OSBPL5: variants seen among roughly 807,000 people sequenced by gnomAD.
OSBPL5 encodes the protein oxysterol binding protein like 5, also known as oxysterol-binding protein-related protein 5.
Under a neutral mutation model 111.2 loss-of-function variants are expected in OSBPL5, and 71 were observed. That is an observed-to-expected ratio of 0.64 (90% CI 0.53 to 0.78). The LOEUF is 0.78. OSBPL5 is among the 30% of genes least tolerant of loss of function. The pLI is 0.00. For synonymous variants in OSBPL5, 549 were observed against 513.9 expected (o/e 1.07, Z -0.93); for missense variants, 1,210 against 1,189.3 (o/e 1.02, Z -0.26).
At position 3,107,990 on chromosome 11, in the gene OSBPL5, T is replaced by C; in HGVS notation, c.692-45A>G. ...AGCATGCCCCACCCCCACCTCTGTATATCCCGCATCCCCCAAGGGGCCACC... is the reference window on the plus strand; with the variant it reads ...AGCATGCCCCACCCCCACCTCTGTACATCCCGCATCCCCCAAGGGGCCACC... On this transcript the variant is annotated intron_variant, in intron 7 of 21. Coordinates refer to ENST00000263650, the MANE Select transcript of OSBPL5 (RefSeq NM_020896.4). This position sits in a 1 kb window ranked among gnomAD's most constrained non-coding sequence, Gnocchi z 6.1. The C allele has an allele frequency of 1.3e-6, 2 of 1,581,724 alleles. No individual in the cohort carries two copies. Among genetic ancestry groups the C allele is most frequent in the Non-Finnish European group, 1.7e-6 (2 of 1,171,452 alleles).
chr11:3,121,905 C>A lies in OSBPL5; in HGVS notation c.402+92G>T. On this transcript the variant is annotated intron_variant, in intron 5 of 21. Coordinates refer to ENST00000263650, the MANE Select transcript of OSBPL5 (RefSeq NM_020896.4). The surrounding 1 kb of genome is among the most constrained non-coding windows in gnomAD (Gnocchi z 4.3). ...GGCTAGATGCAGGGAAGTGAATTTC[C>A]ATCGTTTCAGGCCACCTGGTTTATG... is the stretch of plus-strand genomic sequence containing the variant. 2 of 1,171,952 alleles carry A rather than the reference C, an allele frequency of 1.7e-6. No homozygotes were observed. The highest frequency in any genetic ancestry group is 2.4e-6 in the Non-Finnish European group (2 of 822,186). 72.6% of individuals were successfully genotyped at this position (1,171,952 alleles called of 1,614,324 possible). A position where few individuals can be genotyped will look rare whatever the true frequency, so the allele number is the denominator to read the frequency against.
rs1212060541 is a variant in OSBPL5, at chr11:3,125,807, A to AAT, written c.219+665_219+666insAT. ...GTGACAGAGCGAGACTCCGTCTCAAAAAAAAAAAAAAAAAAATACAAAAAA... is the reference window on the plus strand; with the variant it reads ...GTGACAGAGCGAGACTCCGTCTCAAAATAAAAAAAAAAAAAAAATACAAAAAA... On this transcript the variant is annotated intron_variant, in intron 3 of 21. Transcript: ENST00000263650. Among the ~76,000 whole-genome samples the AAT allele has an allele frequency of 5.0e-3, 468 of 94,486 alleles. 2 individuals are homozygous for AAT. Among genetic ancestry groups the AAT allele is most frequent in the African/African-American group, 0.014 (393 of 28,822 alleles). 62.0% of individuals were successfully genotyped at this position (94,486 alleles called of 152,430 possible). A position where few individuals can be genotyped will look rare whatever the true frequency, so the allele number is the denominator to read the frequency against.
intron 3 of OSBPL5, among the ~76,000 whole-genome samples, chr11:3,124,534 T>C (rs1858533844): frequency 6.6e-6 from 1 of 152,310 alleles, no homozygotes; most frequent in East Asian, 1.9e-4. Context: ...CAGCCTGGAA[T>C]GCTTTTCCCT....
Position 3,126,310 on chromosome 11 carries a change from A to G in OSBPL5, c.219+163T>C, listed in dbSNP as rs1381059786. Reference sequence around the variant, plus strand: ...GAAAACAGCCCAAATATCCACCAGCAGCCCTCCCGGAGCAGCACAGTCTAG... The same window carrying G: ...GAAAACAGCCCAAATATCCACCAGCGGCCCTCCCGGAGCAGCACAGTCTAG... On this transcript the variant is annotated intron_variant, in intron 3 of 21. Coordinates refer to ENST00000263650, the MANE Select transcript of OSBPL5 (RefSeq NM_020896.4). The surrounding 1 kb of genome is among the most constrained non-coding windows in gnomAD (Gnocchi z 6.5). 1.3e-5 allele frequency among the ~76,000 whole-genome samples: 2 copies of G among 152,206 alleles called. No homozygotes were observed. The highest frequency in any genetic ancestry group is 2.9e-5 in the Non-Finnish European group (2 of 68,032).
intron 14 of OSBPL5, 56 bp from the exon 15 acceptor site, chr11:3,094,390 C>G (rs1804364510): frequency 2.8e-6 from 4 of 1,444,378 alleles, no homozygotes; most frequent in Non-Finnish European, 9.6e-7. Flanking sequence ...GAGCCCCAGG[C>G]CCTGCTGAGT....
At chr11:3,149,534 C>T (rs746496108) in intron 1 of OSBPL5, among the ~76,000 whole-genome samples, 1 of 152,338 alleles carries the variant, frequency 6.6e-6, no homozygotes, top group Non-Finnish European at 1.5e-5. Flanking sequence ...GCAGGGGTGC[C>T]GCCCGCGCAG....
intron 1 of OSBPL5, among the ~76,000 whole-genome samples, chr11:3,160,376 G>A (rs1458344033): frequency 1.3e-5 from 2 of 152,188 alleles, no homozygotes; most frequent in South Asian, 2.1e-4. Context: ...CGCAATAGGC[G>A]GGCAGGAGCG....
chr11:3,101,523 T>C, intron 13 of OSBPL5, 80 bp downstream of exon 13: 3 of 1,327,470 alleles, frequency 2.3e-6, no homozygotes, highest in Admixed American at 1.8e-5. Flanking sequence ...CATCCAGATC[T>C]TGGTCCACTG....
In OSBPL5 at chr11:3,126,249, T is replaced by C. The variant is rs749847880; in HGVS notation, c.219+224A>G. Among the ~76,000 whole-genome samples the C allele has an allele frequency of 6.0e-4, 91 of 152,236 alleles. 1 individual carries two copies. The highest frequency in any genetic ancestry group is 1.1e-3 in the Non-Finnish European group (75 of 68,038). On this transcript the variant is annotated intron_variant, in intron 3 of 21. Transcript: ENST00000263650. This position sits in a 1 kb window ranked among gnomAD's most constrained non-coding sequence, Gnocchi z 6.5. ...TGATAGTCAAATACACGTGCACACA[T>C]GTTCACGGAAGCATTTTTCATGACA...
Position 3,102,276 on chromosome 11 carries a change from G to A in OSBPL5, c.1332C>T (p.Ile444=). 2 of 1,596,388 alleles carry A rather than the reference G, an allele frequency of 1.3e-6. No homozygotes were observed. Among genetic ancestry groups the A allele is most frequent in the Non-Finnish European group, 1.7e-6 (2 of 1,171,872 alleles). Residue 444 remains isoleucine, a synonymous_variant, in exon 12 of 22, where the codon ATC becomes ATT. Coordinates refer to ENST00000263650, the MANE Select transcript of OSBPL5 (RefSeq NM_020896.4). ...LSGFYKKPKG[I]KKPYNPILGE... is the part of the protein sequence containing the mutation. ...CCAGGATGGGGTTGTACGGCTTCTT[G>A]ATTCCCTGCAGACAACAGAGACTTG...
At chr11:3,149,981 T>C (rs1410325328) in intron 1 of OSBPL5, among the ~76,000 whole-genome samples, 2 of 152,210 alleles carry the variant, frequency 1.3e-5, no homozygotes, top group Non-Finnish European at 2.9e-5. Context: ...CACACACACA[T>C]ACACATGTGC....
At chr11:3,096,973 AGG>A (rs1857280729) in intron 14 of OSBPL5, among the ~76,000 whole-genome samples, 1 of 48,066 alleles carries the variant, frequency 2.1e-5, no homozygotes, top group South Asian at 6.8e-4. Flanking sequence ...AAGAGGAAAG[AGG>A]GGGAAGGTGG....
intron 1 of OSBPL5, among the ~76,000 whole-genome samples, chr11:3,147,943 G>A (rs781216849): frequency 3.3e-5 from 5 of 152,056 alleles, no homozygotes; most frequent in Non-Finnish European, 5.9e-5. Flanking sequence ...AGCTGCCCTC[G>A]GTTCCCAGGA....
chr11:3,136,157 C>T (rs770144892), intron 1 of OSBPL5, among the ~76,000 whole-genome samples: 1 of 152,208 alleles, frequency 6.6e-6, no homozygotes, highest in South Asian at 2.1e-4. Flanking sequence ...TCTGACCCCA[C>T]GCCAAGGCCA....
chr11:3,097,022 G>GAGAGGAAAGAGGGGGAAGACGGGAGGA (rs1564824584), intron 14 of OSBPL5, among the ~76,000 whole-genome samples: 2 of 4,118 alleles, frequency 4.9e-4, no homozygotes, highest in Non-Finnish European at 8.9e-4. Flanking sequence ...AGACGGGAGG[G>GAGAGGAAAGAGGGGGAAGACGGGAGGA]GGAGGAGAGG....
chr11:3,127,962 C>T (rs1858689734), intron 2 of OSBPL5, among the ~76,000 whole-genome samples: 1 of 152,234 alleles, frequency 6.6e-6, no homozygotes, highest in African/African-American at 2.4e-5. Flanking sequence ...TGACCAGCAG[C>T]TGGGACCCAG....
At chr11:3,118,215 A>G (rs547279020) in intron 7 of OSBPL5, among the ~76,000 whole-genome samples, 1 of 152,344 alleles carries the variant, frequency 6.6e-6, no homozygotes, top group South Asian at 2.1e-4. Context: ...CTAAAGGGAA[A>G]AGTCAAGCTG....
chr11:3,111,960 T>TGTGTGC (rs766359789), intron 7 of OSBPL5, among the ~76,000 whole-genome samples: 2 of 148,786 alleles, frequency 1.3e-5, no homozygotes, highest in African/African-American at 2.5e-5. Flanking sequence ...AAGCTGTGTG[T>TGTGTGC]GTGTGTGTGC....
chr11:3,114,317 G>C (rs561845476), intron 7 of OSBPL5, among the ~76,000 whole-genome samples: 3 of 152,090 alleles, frequency 2.0e-5, no homozygotes, highest in Admixed American at 6.5e-5. Flanking sequence ...AGCTTAAAGA[G>C]AAATAATTTC....
Sources: gnomAD v4.1 joint callset for allele counts (sites outside exome capture counted in the v4.1 genomes callset) on GRCh38, gnomAD v4.1.1 for gene constraint, Gnocchi (gnomAD v3.1) non-coding constraint, MANE v1.5 for transcripts, NCBI Gene and HGNC (gene_info 2026-07-23, HGNC 2026-07-21) for gene names.